PLA2G4C: variants seen among roughly 807,000 people sequenced by gnomAD.
PLA2G4C encodes phospholipase A2 group IVC.
In PLA2G4C, 64 loss-of-function variants were observed where a neutral mutation model predicts 73.8. The ratio of observed to expected loss-of-function variants is 0.87; its 90% CI spans 0.71 to 1.07. The LOEUF is 1.07. Among genes scored for constraint, PLA2G4C ranks in the 50% least tolerant of loss-of-function variants. The pLI is 0.00. For missense variants in PLA2G4C, 622 were observed against 665.4 expected, an observed-to-expected ratio of 0.93 and a Z score of 0.72; for synonymous variants, 254 against 252.1, an observed-to-expected ratio of 1.01 and a Z score of -0.07.
chr19:48,076,677 A>C (rs1368542440), intron 11 of PLA2G4C, among the ~76,000 whole-genome samples: 1 of 151,484 alleles, frequency 6.6e-6, no homozygotes, highest in Non-Finnish European at 1.5e-5. Context: ...TGGAAGGCAG[A>C]GGTTGCAGTG....
chr19:48,081,083 T>G (rs1600211064), intron 10 of PLA2G4C, among the ~76,000 whole-genome samples: 1 of 148,550 alleles, frequency 6.7e-6, no homozygotes, highest in Middle Eastern at 3.5e-3. Context: ...GAGAATGGCG[T>G]GAACCTGGGA....
At chr19:48,054,402 C>G (rs1967850338) in intron 15 of PLA2G4C, among the ~76,000 whole-genome samples, 1 of 152,134 alleles carries the variant, frequency 6.6e-6, no homozygotes, top group South Asian at 2.1e-4. Context: ...CTCCCAGGTT[C>G]AAGCGATTCT....
At chr19:48,053,391 C>G (rs1967805441) in intron 15 of PLA2G4C, among the ~76,000 whole-genome samples, 1 of 112,384 alleles carries the variant, frequency 8.9e-6, no homozygotes, top group South Asian at 3.1e-4. Flanking sequence ...TTTTTTGAGA[C>G]AGAGGCTCGC....
chr19:48,048,347 G>A lies in PLA2G4C; in HGVS notation c.1622C>T (p.Ala541Val). The A allele has an allele frequency of 6.3e-7, 1 of 1,598,616 alleles. No homozygotes were observed. Among genetic ancestry groups the A allele is most frequent in the South Asian group, 1.1e-5 (1 of 88,206 alleles). The change falls in exon 17 of 17, where the codon GCA becomes GTA. Residue 541 changes from alanine (A) to valine (V), a missense_variant. Ala to Val is a moderately conservative substitution (Grantham distance 64). Transcript: ENST00000599921. ...GCCCTGGAAGCTGAGGCTCATCTAT[G>A]CCAAGCAGCAACTTCGGGCACTATC... ...PKDSARSCCL[A>V]
chr19:48,096,447 G>A (rs938575370), intron 6 of PLA2G4C, among the ~76,000 whole-genome samples: 2 of 152,092 alleles, frequency 1.3e-5, no homozygotes, highest in Non-Finnish European at 2.9e-5. Context: ...GCCAGGCGTG[G>A]TGGTGCATGC....
At chr19:48,070,519 T>C (rs1331168540) in intron 12 of PLA2G4C, among the ~76,000 whole-genome samples, 1 of 152,056 alleles carries the variant, frequency 6.6e-6, no homozygotes, top group East Asian at 1.9e-4. Context: ...GTAGACTGGA[T>C]AAGGAAAATG....
Position 48,084,516 on chromosome 19 carries a change from T to C in PLA2G4C, c.844+543A>G, listed in dbSNP as rs1174792362. Among the ~76,000 whole-genome samples the C allele has an allele frequency of 2.6e-5, 4 of 152,238 alleles. No homozygotes were observed. The East Asian group carries it at 7.7e-4, about 29-fold the overall frequency. On this transcript the variant is annotated intron_variant, in intron 10 of 16. Coordinates refer to ENST00000599921, the MANE Select transcript of PLA2G4C (RefSeq NM_003706.3). Reference sequence around the variant, plus strand: ...GAGCTGGAGAGCCACAGAAGGCCTTTTGTAGCCAGGCCTGGAAGTAGCAGG... The same window carrying C: ...GAGCTGGAGAGCCACAGAAGGCCTTCTGTAGCCAGGCCTGGAAGTAGCAGG...
At chr19:48,057,247 T>C (rs1017094488) in intron 14 of PLA2G4C, among the ~76,000 whole-genome samples, 4 of 152,146 alleles carry the variant, frequency 2.6e-5, no homozygotes, top group Non-Finnish European at 5.9e-5. Context: ...TATCTTGTTC[T>C]TGCAGTTAAC....
chr19:48,106,291 C>T (rs1195839627), intron 2 of PLA2G4C, among the ~76,000 whole-genome samples: 1 of 151,952 alleles, frequency 6.6e-6, no homozygotes, highest in East Asian at 1.9e-4. Context: ...TAGGGTTTCA[C>T]CATGTTGCCC....
At chr19:48,064,330 G>A (rs966827601) in intron 13 of PLA2G4C, among the ~76,000 whole-genome samples, 4 of 151,584 alleles carry the variant, frequency 2.6e-5, no homozygotes, top group African/African-American at 9.7e-5. Flanking sequence ...TCGGGAGGCT[G>A]AGGCAGGAGA....
chr19:48,105,315 C>T lies in PLA2G4C; in HGVS notation c.120+18G>A, dbSNP rs949399575. ...GCGATTCTGGGATCTCTGGGGCCAC[C>T]CTCCTCCCCTCACTTACCTCATCAG... On this transcript the variant is annotated intron_variant, in intron 3 of 16. Transcript: ENST00000599921. 3 of 1,561,684 alleles carry T rather than the reference C, an allele frequency of 1.9e-6. No individual in the cohort carries two copies. The highest frequency in any genetic ancestry group is 1.8e-6 in the Non-Finnish European group (2 of 1,138,220).
Position 48,049,707 on chromosome 19 carries a change from T to C in PLA2G4C, c.1581-1319A>G, listed in dbSNP as rs11564664. On this transcript the variant is annotated intron_variant, in intron 16 of 16. Transcript: ENST00000599921. ...CACACCTTATTATGAGGAGAGAGAG[T>C]CAACAAATAAGCATAAATAAGCCCT... Among the ~76,000 whole-genome samples, 427 of 151,608 alleles carry C rather than the reference T, an allele frequency of 2.8e-3. 3 individuals carry two copies. The highest frequency in any genetic ancestry group is 1.0e-2 in the African/African-American group (412 of 41,274).
intron 4 of PLA2G4C, 45 bp from the exon 5 acceptor site, chr19:48,099,905 A>G: frequency 7.3e-7 from 1 of 1,364,406 alleles, no homozygotes. Context: ...TTAAGTGTGG[A>G]CGATGAAGAC....
intron 5 of PLA2G4C, 139 bp downstream of exon 5, chr19:48,099,532 A>G (rs11564535): frequency 0.011 from 6,720 of 593,390 alleles, 59 homozygotes; most frequent in Middle Eastern, 0.026. Context: ...TGAGGCATCA[A>G]CCGAAGTGCC....
chr19:48,053,364 CTTT>C (rs1174332835), intron 15 of PLA2G4C, among the ~76,000 whole-genome samples: 6 of 100,586 alleles, frequency 6.0e-5, no homozygotes, highest in South Asian at 3.4e-4. Flanking sequence ...GTCCTTTTTT[CTTT>C]TTTTTTTTTT....
chr19:48,080,769 A>G (rs1453542452), intron 10 of PLA2G4C, among the ~76,000 whole-genome samples: 2 of 150,690 alleles, frequency 1.3e-5, no homozygotes, highest in African/African-American at 4.9e-5. Context: ...GCACCACTGC[A>G]TTCCAGCCTG....
intron 14 of PLA2G4C, among the ~76,000 whole-genome samples, chr19:48,059,246 A>G (rs1178167341): frequency 2.1e-5 from 3 of 143,612 alleles, no homozygotes; most frequent in African/African-American, 7.9e-5. Context: ...ACTCCAGCCT[A>G]TGTGATAGAG....
chr19:48,106,731 A>C, intron 1 of PLA2G4C, 170 bp from the exon 2 acceptor site: 2 of 581,050 alleles, frequency 3.4e-6, no homozygotes, highest in Non-Finnish European at 6.2e-6. Context: ...TAATAATCTC[A>C]GGGGCGGCCA....
At chr19:48,079,981 G>T (rs2030436621) in intron 10 of PLA2G4C, among the ~76,000 whole-genome samples, 1 of 152,058 alleles carries the variant, frequency 6.6e-6, no homozygotes, top group African/African-American at 2.4e-5. Context: ...AAATATATGG[G>T]ACCTGAGTAA....
Sources: gnomAD v4.1 joint callset for allele counts (sites outside exome capture counted in the v4.1 genomes callset) on GRCh38, gnomAD v4.1.1 for gene constraint, MANE v1.5 for transcripts, NCBI Gene and HGNC (gene_info 2026-07-23, HGNC 2026-07-21) for gene names.